The following DPP6 variants were observed in gnomAD, a reference collection of about 807,000 sequenced individuals.
DPP6 encodes A-type potassium channel modulatory protein DPP6.
DPP6 carries 69 observed loss-of-function variants against 122.6 expected under a neutral mutation model. The observed-to-expected ratio is 0.56, with a 90% CI of 0.46 to 0.69. DPP6 has a LOEUF of 0.69. Ranked by LOEUF, DPP6 falls within the 30% of genes least tolerant of loss-of-function variation. The pLI is 0.00. For missense variants in DPP6, 928 were observed against 1,116.9 expected (o/e 0.83, Z 2.41); for synonymous variants, 418 against 433.1 (o/e 0.97, Z 0.43).
chr7:153,812,881 TA>T, the DPP6 span, among the ~76,000 whole-genome samples: 1 of 152,058 alleles, frequency 6.6e-6, no homozygotes, highest in Non-Finnish European at 1.5e-5. Context: ...ATATACAACC[TA>T]CTGAGACCAA....
chr7:153,960,404 A>G (rs1795288458), intron 1 of DPP6, among the ~76,000 whole-genome samples: 1 of 152,220 alleles, frequency 6.6e-6, no homozygotes, highest in Admixed American at 6.5e-5. Context: ...CATTCTTAAT[A>G]GCCGCACCCC....
chr7:153,875,122 G>A, the DPP6 span, among the ~76,000 whole-genome samples: 10,090 of 152,192 alleles, frequency 0.066, 488 homozygotes, highest in East Asian at 0.22. Context: ...AGCAGTCAGA[G>A]ACAAAACATA....
At chr7:154,552,711 T>C (rs1203980398) in intron 4 of DPP6, among the ~76,000 whole-genome samples, 1 of 152,206 alleles carries the variant, frequency 6.6e-6, no homozygotes, top group Non-Finnish European at 1.5e-5. Context: ...AGGAGTGTTC[T>C]AGAGTCTTTA....
chr7:154,352,481 A>G (rs1001114923), intron 1 of DPP6, among the ~76,000 whole-genome samples: 11 of 152,112 alleles, frequency 7.2e-5, no homozygotes, highest in Non-Finnish European at 1.6e-4. Flanking sequence ...TAAAAATTAA[A>G]ATAAAAATTA....
intron 8 of DPP6, among the ~76,000 whole-genome samples, chr7:154,756,347 T>A (rs879329401): frequency 3.3e-5 from 5 of 152,088 alleles, no homozygotes; most frequent in Non-Finnish European, 7.4e-5. Flanking sequence ...TGCCTATACG[T>A]CTCCAGGCCC....
chr7:154,388,197 G>A (rs1323994493), intron 1 of DPP6, among the ~76,000 whole-genome samples: 3 of 152,024 alleles, frequency 2.0e-5, no homozygotes, highest in Non-Finnish European at 4.4e-5. Context: ...CAGCTACTTG[G>A]GAGCTCGAAG....
At position 154,282,919 on chromosome 7, in the gene DPP6, G is replaced by T. The variant is rs1267034565; in HGVS notation, c.244-163295G>T. Among the ~76,000 whole-genome samples the T allele has an allele frequency of 6.6e-6, 1 of 152,112 alleles. No homozygotes were observed. The highest frequency in any genetic ancestry group is 1.5e-5 in the Non-Finnish European group (1 of 68,018). ...CCTTGACATCCTGCTCAGTCCAAGGGTCACAACATGTCTGATGCCTAGCTC... is the reference window on the plus strand; with the variant it reads ...CCTTGACATCCTGCTCAGTCCAAGGTTCACAACATGTCTGATGCCTAGCTC... On this transcript the variant is annotated intron_variant, in intron 1 of 25. Transcript: ENST00000377770. The surrounding 1 kb of genome is among the most constrained non-coding windows in gnomAD (Gnocchi z 4.8).
intron 5 of DPP6, among the ~76,000 whole-genome samples, chr7:154,575,266 G>GGT (rs1831501784): frequency 7.9e-6 from 1 of 126,630 alleles, no homozygotes; most frequent in Non-Finnish European, 1.7e-5. Context: ...GTGTGTATGT[G>GGT]GTATGTGTAT....
At chr7:154,718,352 G>C (rs1196074242) in intron 7 of DPP6, among the ~76,000 whole-genome samples, 1 of 152,066 alleles carries the variant, frequency 6.6e-6, no homozygotes, top group African/African-American at 2.4e-5. Flanking sequence ...TATTTCCACT[G>C]TGCTTTCTTC....
chr7:154,640,610 C>A (rs1294910347), intron 6 of DPP6, among the ~76,000 whole-genome samples: 2 of 152,300 alleles, frequency 1.3e-5, no homozygotes, highest in South Asian at 2.1e-4. Context: ...TGAGCGGTAT[C>A]TCCGTAGGCC....
rs142753322 is a variant in DPP6, at chr7:154,180,324, G to C, written c.243+127261G>C. ...GATTGCACCACTGCACTCCAGCCTG[G>C]GCAACAACCCGGGAGACAGATAGAT... On this transcript the variant is annotated intron_variant, in intron 1 of 25. Transcript: ENST00000377770. 7.0e-3 allele frequency among the ~76,000 whole-genome samples: 1,039 copies of C among 149,090 alleles called. 11 individuals are homozygous for C. The highest frequency in any genetic ancestry group is 0.021 in the African/African-American group (830 of 40,114).
chr7:154,657,925 G>A (rs1332640776), intron 6 of DPP6, among the ~76,000 whole-genome samples: 2 of 152,184 alleles, frequency 1.3e-5, no homozygotes, highest in East Asian at 1.9e-4. Context: ...AGTGAAAGAC[G>A]CCAACCTGAA....
chr7:154,659,779 C>T (rs966241210), intron 6 of DPP6, among the ~76,000 whole-genome samples: 3 of 152,214 alleles, frequency 2.0e-5, no homozygotes, highest in Non-Finnish European at 4.4e-5. Flanking sequence ...CTTGGAGTCA[C>T]TTGTTTAACT....
intron 1 of DPP6, among the ~76,000 whole-genome samples, chr7:154,384,859 C>G (rs1478684129): frequency 6.6e-6 from 1 of 151,588 alleles, no homozygotes; most frequent in Non-Finnish European, 1.5e-5. Context: ...TACATATAGA[C>G]AGTGGGATAC....
chr7:154,106,873 C>G (rs1404234635), intron 1 of DPP6, among the ~76,000 whole-genome samples: 4 of 152,080 alleles, frequency 2.6e-5, no homozygotes. Context: ...ACGCTGAGTG[C>G]TTTCAAGCAG....
Position 154,624,947 on chromosome 7 carries a change from T to A in DPP6, c.628-12874T>A, listed in dbSNP as rs187885678. Among the ~76,000 whole-genome samples, 1 of 152,288 alleles carries A rather than the reference T, an allele frequency of 6.6e-6. No individual in the cohort carries two copies. The highest frequency in any genetic ancestry group is 6.5e-5 in the Admixed American group (1 of 15,288). On this transcript the variant is annotated intron_variant, in intron 5 of 25. Coordinates refer to ENST00000377770, the MANE Select transcript of DPP6 (RefSeq NM_130797.4). The surrounding 1 kb of genome is among the most constrained non-coding windows in gnomAD (Gnocchi z 4.7). ...GCTCCCACCTTAACACACACAACAATGTGGACACCACCATAAACTGTGACA... is the reference window on the plus strand; with the variant it reads ...GCTCCCACCTTAACACACACAACAAAGTGGACACCACCATAAACTGTGACA...
chr7:154,348,095 C>T (rs1035499619), intron 1 of DPP6, among the ~76,000 whole-genome samples: 1 of 151,908 alleles, frequency 6.6e-6, no homozygotes, highest in Non-Finnish European at 1.5e-5. Flanking sequence ...CCCACCCCCA[C>T]CTCCTGATGC....
chr7:154,296,831 TAG>T (rs1177268300), intron 1 of DPP6, among the ~76,000 whole-genome samples: 2 of 152,230 alleles, frequency 1.3e-5, no homozygotes, highest in Non-Finnish European at 2.9e-5. Flanking sequence ...TCTAGTTCCT[TAG>T]AATTGGATAC....
chr7:154,000,432 A>C (rs1797638266), intron 1 of DPP6, among the ~76,000 whole-genome samples: 1 of 152,090 alleles, frequency 6.6e-6, no homozygotes, highest in Admixed American at 6.5e-5. Flanking sequence ...TAAGTGCCTG[A>C]TATATGGTTG....
Sources: allele counts gnomAD v4.1 joint callset (sites outside exome capture counted in the v4.1 genomes callset), GRCh38; gene constraint gnomAD v4.1.1; non-coding constraint Gnocchi (gnomAD v3.1); transcripts MANE v1.5; gene names NCBI Gene and HGNC (gene_info 2026-07-23, HGNC 2026-07-21).